Variants in PDCD6 observed in about 807,000 individuals in gnomAD.
PDCD6 encodes programmed cell death 6.
A neutral mutation model predicts 28.3 loss-of-function variants in PDCD6; 12 were observed. The ratio of observed to expected loss-of-function variants is 0.42; its 90% confidence interval spans 0.27 to 0.69. The LOEUF is 0.69. Ranked by LOEUF, PDCD6 falls within the 30% of genes least tolerant of loss-of-function variation. The probability of loss-of-function intolerance (pLI) is 0.22; values close to 1 mark genes in which losing one functional copy is unlikely to be tolerated. For synonymous variants in PDCD6, 92 were observed against 108.0 expected (o/e 0.85, Z 0.92); for missense variants, 226 against 269.9 (o/e 0.84, Z 1.14).
At chr5:312,875 G>A (rs113062234) in intron 5 of PDCD6, among the ~76,000 whole-genome samples, 8 of 109,450 alleles carry the variant, frequency 7.3e-5, no homozygotes, top group African/African-American at 5.4e-4. Flanking sequence ...CTGAATTGCC[G>A]TAGGGCTCAG....
At chr5:299,551 GT>G (rs35811389) in intron 2 of PDCD6, among the ~76,000 whole-genome samples, 65 of 140,932 alleles carry the variant, frequency 4.6e-4, no homozygotes, top group East Asian at 1.2e-3. Flanking sequence ...TCTTTTGAAG[GT>G]TTTTTTTTTT....
At chr5:284,266 G>C (rs7356561) in intron 2 of PDCD6, among the ~76,000 whole-genome samples, 36,451 of 151,944 alleles carry the variant, frequency 0.24, 6,796 homozygotes, top group African/African-American at 0.52. Context: ...GGGAGGAGCT[G>C]ATGTTCTAAG....
chr5:274,290 T>A (rs2864973), intron 2 of PDCD6, among the ~76,000 whole-genome samples: 395 of 152,386 alleles, frequency 2.6e-3, no homozygotes, highest in African/African-American at 9.0e-3. Context: ...GCATTTGCTC[T>A]AATTTTTAGA....
rs1437462238 is a variant in PDCD6, at chr5:305,414, A to G, written c.209-1188A>G. ...GTGTAGCTGGGGGCTTTTCCAGATG[A>G]CTGTGCCCTGCTGGTCGTGCATATG... On this transcript the variant is annotated intron_variant, in intron 3 of 5. Coordinates refer to ENST00000264933, the MANE Select transcript of PDCD6 (RefSeq NM_013232.4). This position sits in a 1 kb window ranked among gnomAD's most constrained non-coding sequence, Gnocchi z 4.0. 1.3e-5 allele frequency: 2 copies of G among 152,164 alleles called. No homozygotes were observed. Among genetic ancestry groups the G allele is most frequent in the East Asian group, 1.9e-4 (1 of 5,188 alleles). The allele number at this position is 152,164 out of a possible 1,614,324, so 9.4% of individuals were successfully genotyped here.
At chr5:285,214 G>C (rs967981971) in intron 2 of PDCD6, among the ~76,000 whole-genome samples, 22 of 151,652 alleles carry the variant, frequency 1.5e-4, no homozygotes, top group Non-Finnish European at 1.3e-4. Context: ...TCTAGTTTTA[G>C]GGCCGTGAAG....
At chr5:301,217 G>A (rs944039199) in intron 2 of PDCD6, among the ~76,000 whole-genome samples, 4 of 152,194 alleles carry the variant, frequency 2.6e-5, no homozygotes, top group African/African-American at 7.2e-5. Flanking sequence ...CATGAAGACA[G>A]AGGATTGATT....
intron 2 of PDCD6, 61 bp downstream of exon 2, chr5:272,833 C>T: frequency 1.3e-6 from 2 of 1,550,976 alleles, no homozygotes; most frequent in Non-Finnish European, 8.7e-7. Flanking sequence ...GCCCTGTTCA[C>T]AGTGGATAAC....
At chr5:306,301 T>A (rs1338998346) in intron 3 of PDCD6, 3 of 323,162 alleles carry the variant, frequency 9.3e-6, no homozygotes, top group East Asian at 5.7e-5. Context: ...CTGTCGTGGC[T>A]GCGGCTGGAT....
At chr5:290,514 C>G (rs1254703805) in intron 2 of PDCD6, among the ~76,000 whole-genome samples, 1 of 152,200 alleles carries the variant, frequency 6.6e-6, no homozygotes, top group Non-Finnish European at 1.5e-5. Context: ...GAGCATCTCC[C>G]CAAGCCACTA....
rs184133341 is a variant in PDCD6 at position 271,728 on chromosome 5, C to G, written c.8C>G (p.Ala3Gly). 4,923 of 1,535,536 alleles carry G rather than the reference C, an allele frequency of 3.2e-3. 136 individuals carry two copies. In the African/African-American group the frequency reaches 0.06, roughly 19 times the overall value. Residue 3 changes from alanine (A) to glycine (G), a missense_variant, in exon 1 of 6, where the codon GCC (alanine) becomes GGC (glycine). Ala to Gly is a moderately conservative substitution (Grantham distance 60). Transcript: ENST00000264933. ...AGCCGCGTGCCTTGGCCCATGGCCG[C>G]CTACTCTTACCGCCCCGGCCCTGGG... The part of the protein sequence containing the change: MA[A>G]YSYRPGPGAG...
intron 2 of PDCD6, chr5:273,104 A>G: frequency 3.6e-6 from 1 of 278,360 alleles, no homozygotes; most frequent in Non-Finnish European, 7.1e-6. Flanking sequence ...AGGTCCTTGA[A>G]TTTCCTGGGT....
chr5:277,711 G>T (rs1452016584), intron 2 of PDCD6, among the ~76,000 whole-genome samples: 2 of 152,060 alleles, frequency 1.3e-5, no homozygotes, highest in Non-Finnish European at 2.9e-5. Flanking sequence ...TGGGATTACG[G>T]GCGTGAGCCA....
chr5:284,318 TCTA>T (rs1738784409), intron 2 of PDCD6, among the ~76,000 whole-genome samples: 1 of 152,116 alleles, frequency 6.6e-6, no homozygotes, highest in African/African-American at 2.4e-5. Flanking sequence ...GAGCTGATGT[TCTA>T]GCTTGAGGGT....
chr5:302,188 C>G (rs1383045665), intron 2 of PDCD6, among the ~76,000 whole-genome samples: 1 of 89,710 alleles, frequency 1.1e-5, no homozygotes, highest in Non-Finnish European at 2.4e-5. Flanking sequence ...TCGTGGAGTG[C>G]TGCTGTGTGT....
intron 2 of PDCD6, among the ~76,000 whole-genome samples, chr5:274,640 T>C (rs1738067541): frequency 6.6e-6 from 1 of 152,178 alleles, no homozygotes; most frequent in African/African-American, 2.4e-5. Flanking sequence ...TACCTGATGA[T>C]GGTGATGATG....
At chr5:290,171 T>C in intron 2 of PDCD6, 7 of 1,593,918 alleles carry the variant, frequency 4.4e-6, no homozygotes, top group Non-Finnish European at 6.0e-6. Context: ...TTCTCCAGTT[T>C]GAAAATAAAA....
intron 2 of PDCD6, among the ~76,000 whole-genome samples, chr5:285,286 G>C (rs1738875896): frequency 6.6e-6 from 1 of 152,162 alleles, no homozygotes; most frequent in South Asian, 2.1e-4. Flanking sequence ...AGACCCGGGG[G>C]GGAACTGATG....
At chr5:290,470 G>C in intron 2 of PDCD6, 1 of 608,954 alleles carries the variant, frequency 1.6e-6, no homozygotes, top group Non-Finnish European at 3.0e-6. Flanking sequence ...AAGGGAGCCA[G>C]GGGAAGCATG....
chr5:294,883 G>C (rs563763415), intron 2 of PDCD6, among the ~76,000 whole-genome samples: 1 of 152,240 alleles, frequency 6.6e-6, no homozygotes, highest in South Asian at 2.1e-4. Flanking sequence ...AATGCCCCAG[G>C]TCTCCCAGGC....
Sources: gnomAD v4.1 joint callset for allele counts (sites outside exome capture counted in the v4.1 genomes callset) on GRCh38, gnomAD v4.1.1 for gene constraint, Gnocchi (gnomAD v3.1) non-coding constraint, MANE v1.5 for transcripts, NCBI Gene and HGNC (gene_info 2026-07-23, HGNC 2026-07-21) for gene names.